The following UTP20 variants were observed in gnomAD, a reference collection of about 807,000 sequenced individuals.
The protein encoded by UTP20 is UTP20 small subunit processome component.
In UTP20, 164 loss-of-function variants were observed where a neutral mutation model predicts 329.5. That is an observed-to-expected ratio of 0.50 (90% CI 0.44 to 0.57). The LOEUF (loss-of-function observed/expected upper bound fraction) is 0.57, where lower values mean the gene tolerates loss of function less well. Ranked by LOEUF, UTP20 falls within the 20% of genes least tolerant of loss-of-function variation. The probability of loss-of-function intolerance (pLI) is 0.00; values close to 1 mark genes in which losing one functional copy is unlikely to be tolerated. For missense variants in UTP20, 3,055 were observed against 3,284.2 expected (o/e 0.93, Z 1.71); for synonymous variants, 1,151 against 1,159.3 (o/e 0.99, Z 0.14).
intron 21 of UTP20, among the ~76,000 whole-genome samples, chr12:101,316,291 A>T (rs528354684): frequency 1.2e-4 from 19 of 152,254 alleles, no homozygotes; most frequent in African/African-American, 4.3e-4. Context: ...TGTGCTGGAC[A>T]CTCTTATGGA....
At position 101,307,039 on chromosome 12, in the gene UTP20, G is replaced by A. The variant is rs151147868; in HGVS notation, c.1995+278G>A. 2.0e-3 allele frequency among the ~76,000 whole-genome samples: 298 copies of A among 151,986 alleles called. 6 individuals are homozygous for A. The East Asian group carries it at 0.037, about 19-fold the overall frequency. ...ACACAAAAAAAGAAATTAGCCAGGC[G>A]TGGTGGCGGGCACCTGTAGTCCCAG... On this transcript the variant is annotated intron_variant, in intron 17 of 61. Transcript: ENST00000261637.
At chr12:101,288,813 A>G (rs1175153564) in intron 5 of UTP20, 147 bp from the exon 6 acceptor site, 1 of 683,076 alleles carries the variant, frequency 1.5e-6, no homozygotes, top group African/African-American at 1.8e-5. Flanking sequence ...GGGTGTCTCC[A>G]TAAATGAATG....
At position 101,386,298 on chromosome 12, in the gene UTP20, C is replaced by G. The variant is rs1317045348; in HGVS notation, c.*175C>G. Reference sequence around the variant, plus strand: ...CATCACAGCTCACTGCAGCCTCAACCTGGGTTCAAGTGATCCTCTCACCTC... The same window carrying G: ...CATCACAGCTCACTGCAGCCTCAACGTGGGTTCAAGTGATCCTCTCACCTC... On this transcript the variant is annotated 3_prime_UTR_variant, in exon 62 of 62. Coordinates refer to ENST00000261637, the MANE Select transcript of UTP20 (RefSeq NM_014503.3). 1 of 539,960 alleles carries G rather than the reference C, an allele frequency of 1.9e-6. No homozygotes were observed. The highest frequency in any genetic ancestry group is 3.9e-5 in the Admixed American group (1 of 25,470). The allele number at this position is 539,960 out of a possible 1,614,324, so 33.4% of individuals were successfully genotyped here. A position where few individuals can be genotyped will look rare whatever the true frequency, so the allele number is the denominator to read the frequency against.
intron 38 of UTP20, among the ~76,000 whole-genome samples, chr12:101,346,990 C>G: frequency 6.6e-6 from 1 of 152,158 alleles, no homozygotes; most frequent in East Asian, 1.9e-4. Context: ...GTACCAGGCA[C>G]TATTTCAAGT....
At chr12:101,309,020 A>T (rs994921702) in intron 18 of UTP20, among the ~76,000 whole-genome samples, 2 of 152,056 alleles carry the variant, frequency 1.3e-5, no homozygotes, top group African/African-American at 4.8e-5. Flanking sequence ...GGCGTGAGCC[A>T]CTGCGCCCGG....
At chr12:101,307,326 T>C (rs1025279141) in intron 17 of UTP20, among the ~76,000 whole-genome samples, 22 of 129,704 alleles carry the variant, frequency 1.7e-4, no homozygotes, top group African/African-American at 5.9e-4. Context: ...CACACACACA[T>C]AATTTAAACA....
intron 27 of UTP20, 40 bp from the exon 28 acceptor site, chr12:101,333,261 T>C (rs748594722): frequency 1.3e-6 from 2 of 1,594,908 alleles, no homozygotes; most frequent in Non-Finnish European, 8.5e-7. Flanking sequence ...ATAAAAATGA[T>C]ACATATGTAT....
chr12:101,348,626 T>C (rs902734901), intron 38 of UTP20, among the ~76,000 whole-genome samples: 2 of 151,580 alleles, frequency 1.3e-5, no homozygotes, highest in Admixed American at 1.3e-4. Flanking sequence ...TGGTATCATT[T>C]TTCTTCTTTA....
chr12:101,289,179 C>A lies in UTP20; in HGVS notation c.597+138C>A, dbSNP rs1222434618. On this transcript the variant is annotated intron_variant, in intron 6 of 61. Coordinates refer to ENST00000261637, the MANE Select transcript of UTP20 (RefSeq NM_014503.3). ...ATCACCTGAGGTCAGGAATTGGAGA[C>A]CAGCCTGACCAACATGGCAAAACCC... is the stretch of plus-strand genomic sequence containing the variant. 4.4e-6 allele frequency: 3 copies of A among 687,464 alleles called. No homozygotes were observed. In the East Asian group the frequency reaches 8.8e-5, roughly 20 times the overall value. The allele number at this position is 687,464 out of a possible 1,614,324, so 42.6% of individuals were successfully genotyped here.
intron 41 of UTP20, 121 bp downstream of exon 41, chr12:101,355,239 A>C: frequency 8.8e-6 from 10 of 1,138,430 alleles, no homozygotes; most frequent in South Asian, 1.6e-5. Flanking sequence ...CTTTTATCTC[A>C]ACACTTCACA....
At chr12:101,353,752 C>T (rs973784406) in intron 40 of UTP20, among the ~76,000 whole-genome samples, 3 of 151,954 alleles carry the variant, frequency 2.0e-5, no homozygotes, top group Non-Finnish European at 4.4e-5. Context: ...TATAAATTGG[C>T]AAATGCCTGA....
At position 101,367,907 on chromosome 12, in the gene UTP20, A is replaced by T; in HGVS notation, c.6315A>T (p.Glu2105Asp). 1 of 1,613,818 alleles carries T rather than the reference A, an allele frequency of 6.2e-7. No homozygotes were observed. The highest frequency in any genetic ancestry group is 8.5e-7 in the Non-Finnish European group (1 of 1,179,820). The change falls in exon 48 of 62, where the codon GAA (glutamate) becomes GAT (aspartate). Residue 2105 changes from glutamate (E) to aspartate (D), a missense_variant. This residue lies in a region of UTP20 where 2,445 missense variants were observed against 2,575.5 expected (regional missense o/e 0.95). Transcript: ENST00000261637. ...CTTCCAAGATCAAGTCTTCAGGTGA[A>T]TGTGTCCTGGAAATGCTGGATCCTT... ...LKTSKIKSSGECVLEMLDPFV... is the reference protein window; with the variant it reads ...LKTSKIKSSGDCVLEMLDPFV...
At chr12:101,324,784 C>T (rs1868500569) in intron 25 of UTP20, among the ~76,000 whole-genome samples, 1 of 152,042 alleles carries the variant, frequency 6.6e-6, no homozygotes, top group Admixed American at 6.5e-5. Flanking sequence ...GTAATTTCCC[C>T]TTTTGATTTG....
At chr12:101,286,211 A>C (rs563410132) in intron 4 of UTP20, 110 bp from the exon 5 acceptor site, 22 of 1,012,918 alleles carry the variant, frequency 2.2e-5, no homozygotes, top group Non-Finnish European at 3.1e-5. Context: ...TTGATTTAGA[A>C]GTATTTTTAT....
chr12:101,340,706 T>C lies in UTP20; in HGVS notation c.4101+96T>C, dbSNP rs1026404637. The C allele has an allele frequency of 6.5e-6, 5 of 772,150 alleles. No individual in the cohort carries two copies. The African/African-American group carries it at 7.0e-5, about 11-fold the overall frequency. The allele number at this position is 772,150 out of a possible 1,614,324, so 47.8% of individuals were successfully genotyped here. A position where few individuals can be genotyped will look rare whatever the true frequency, so the allele number is the denominator to read the frequency against. ...CAATTTTACTGGCTAGATTTTGTGA[T>C]GCATTTGTCGCAAGGAACTTAAAAT... On this transcript the variant is annotated intron_variant, in intron 32 of 61. Transcript: ENST00000261637.
chr12:101,344,064 A>G (rs4764645), intron 35 of UTP20, among the ~76,000 whole-genome samples: 11,720 of 152,260 alleles, frequency 0.077, 615 homozygotes, highest in Middle Eastern at 0.19. Context: ...ATAGTTATTC[A>G]TCTAATATTA....
intron 10 of UTP20, among the ~76,000 whole-genome samples, chr12:101,292,373 A>G (rs915331009): frequency 3.3e-5 from 5 of 152,242 alleles, no homozygotes; most frequent in African/African-American, 4.8e-5. Context: ...ATATTGCAGT[A>G]AGCAGTAGAG....
intron 61 of UTP20, 107 bp downstream of exon 61, chr12:101,385,835 T>C: frequency 6.7e-7 from 1 of 1,499,206 alleles, no homozygotes; most frequent in Non-Finnish European, 8.9e-7. Flanking sequence ...GTTTGAGCGG[T>C]TGGGGACTTT....
In UTP20 at chr12:101,300,016, A is replaced by G; in HGVS notation, c.1630A>G (p.Ile544Val). 1.9e-6 allele frequency: 3 copies of G among 1,614,208 alleles called. No individual in the cohort carries two copies. Among genetic ancestry groups the G allele is most frequent in the Non-Finnish European group, 1.7e-6 (2 of 1,180,010 alleles). Residue 544 changes from isoleucine (I) to valine (V), a missense_variant, in exon 14 of 62, where the codon ATA (isoleucine) becomes GTA (valine). Ile to Val is a conservative substitution (Grantham distance 29). Transcript: ENST00000261637. ...EKVIPLVTGF[I>V]EALFMTVDKG... ...GGTGATACCACTCGTCACCGGCTTCATAGAGGCACTCTTCATGACTGTTGA... is the reference window on the plus strand; with the variant it reads ...GGTGATACCACTCGTCACCGGCTTCGTAGAGGCACTCTTCATGACTGTTGA...
Sources: gnomAD v4.1 joint callset for allele counts (sites outside exome capture counted in the v4.1 genomes callset) on GRCh38, gnomAD v4.1.1 for gene constraint, gnomAD v4.1.1 regional missense constraint, MANE v1.5 for transcripts, NCBI Gene and HGNC (gene_info 2026-07-23, HGNC 2026-07-21) for gene names.